PPP2R2B: variants seen among roughly 807,000 people sequenced by gnomAD.
The protein encoded by PPP2R2B is serine/threonine-protein phosphatase 2A 55 kDa regulatory subunit B beta isoform.
PPP2R2B carries 5 observed loss-of-function variants against 46.0 expected under a neutral mutation model. The observed-to-expected ratio is 0.11, with a 90% CI of 0.06 to 0.23. The LOEUF is 0.23. Ranked by LOEUF, PPP2R2B falls within the 10% of genes least tolerant of loss-of-function variation. The probability of loss-of-function intolerance (pLI) is 1.00; values close to 1 mark genes in which losing one functional copy is unlikely to be tolerated. For missense variants in PPP2R2B, 367 were observed against 575.0 expected (o/e 0.64, Z 3.70); for synonymous variants, 215 against 206.7 (o/e 1.04, Z -0.34).
intron 2 of PPP2R2B, among the ~76,000 whole-genome samples, chr5:146,869,946 T>A (rs1761517275): frequency 1.3e-5 from 2 of 152,186 alleles, no homozygotes; most frequent in South Asian, 4.1e-4. Flanking sequence ...GGGTCCTTCC[T>A]GGTGGTATTT....
intron 2 of PPP2R2B, among the ~76,000 whole-genome samples, chr5:146,845,410 T>G (rs1298664497): frequency 6.6e-6 from 1 of 151,088 alleles, no homozygotes; most frequent in Non-Finnish European, 1.5e-5. Context: ...GGTTCATGCC[T>G]GGCTAAATTT....
At chr5:146,895,761 T>C (rs1453511884) in intron 1 of PPP2R2B, among the ~76,000 whole-genome samples, 3 of 152,156 alleles carry the variant, frequency 2.0e-5, no homozygotes, top group East Asian at 1.9e-4. Flanking sequence ...TTGAAATAAA[T>C]GTCAAAAGAA....
chr5:146,770,746 G>A (rs141599094), intron 2 of PPP2R2B, among the ~76,000 whole-genome samples: 45 of 152,276 alleles, frequency 3.0e-4, no homozygotes, highest in African/African-American at 1.0e-3. Flanking sequence ...ACTTGAGAAT[G>A]CATGGGAGCT....
intron 1 of PPP2R2B, among the ~76,000 whole-genome samples, chr5:147,024,539 G>A (rs1433652863): frequency 6.6e-6 from 1 of 151,964 alleles, no homozygotes; most frequent in East Asian, 1.9e-4. Flanking sequence ...AAGTATATGT[G>A]GAATATTCAC....
intron 1 of PPP2R2B, among the ~76,000 whole-genome samples, chr5:146,910,890 C>T (rs1178803677): frequency 6.6e-6 from 1 of 152,138 alleles, no homozygotes; most frequent in Non-Finnish European, 1.5e-5. Context: ...CCCTGAATAT[C>T]CCACTGGTCT....
chr5:147,030,622 G>C (rs1193962618), intron 1 of PPP2R2B, among the ~76,000 whole-genome samples: 1 of 152,046 alleles, frequency 6.6e-6, no homozygotes, highest in East Asian at 1.9e-4. Flanking sequence ...GCTTGTAACT[G>C]ATGAATTATT....
chr5:147,029,785 C>CT (rs1456189714), intron 1 of PPP2R2B, among the ~76,000 whole-genome samples: 1 of 152,140 alleles, frequency 6.6e-6, no homozygotes, highest in Non-Finnish European at 1.5e-5. Flanking sequence ...AAGAAGGAAG[C>CT]TGTCTGCAAG....
intron 2 of PPP2R2B, among the ~76,000 whole-genome samples, chr5:146,821,584 G>A (rs192082995): frequency 2.6e-5 from 4 of 152,092 alleles, no homozygotes; most frequent in African/African-American, 7.2e-5. Flanking sequence ...ACAGAGTTGG[G>A]GTGAAACCTC....
intron 1 of PPP2R2B, among the ~76,000 whole-genome samples, chr5:146,976,108 TTTATTATTA>T (rs143212984): frequency 0.037 from 4,846 of 130,578 alleles, 237 homozygotes; most frequent in African/African-American, 0.12. Context: ...TTTTAAAAAA[TTTATTATTA>T]TTATTATTAT....
chr5:146,989,068 T>C (rs1231374888), intron 1 of PPP2R2B, among the ~76,000 whole-genome samples: 1 of 151,908 alleles, frequency 6.6e-6, no homozygotes, highest in Non-Finnish European at 1.5e-5. Flanking sequence ...ATAGAAAAAC[T>C]GAACAGACCA....
chr5:146,869,086 C>T lies in PPP2R2B; in HGVS notation c.70+8916G>A, dbSNP rs60345774. ...GCAATCATTATTAATTATTAACATTCAAATCCACAATGGTTTTGGAAGACA... is the reference window on the plus strand; with the variant it reads ...GCAATCATTATTAATTATTAACATTTAAATCCACAATGGTTTTGGAAGACA... On this transcript the variant is annotated intron_variant, in intron 2 of 9. Transcript: ENST00000394411. Among the ~76,000 whole-genome samples, 173 of 152,298 alleles carry T rather than the reference C, an allele frequency of 1.1e-3. 1 individual carries two copies. In the East Asian group the frequency reaches 0.02, roughly 17 times the overall value.
upstream of PPP2R2B, among the ~76,000 whole-genome samples, chr5:147,057,419 C>T (rs1165336225): frequency 6.6e-6 from 1 of 152,156 alleles, no homozygotes; most frequent in Non-Finnish European, 1.5e-5. Flanking sequence ...CTAAGAGATA[C>T]TTCATATCTA....
At chr5:146,849,810 C>T (rs1760230842) in intron 2 of PPP2R2B, among the ~76,000 whole-genome samples, 1 of 152,134 alleles carries the variant, frequency 6.6e-6, no homozygotes, top group African/African-American at 2.4e-5. Context: ...AGATAATAGG[C>T]ATAATCATTG....
chr5:146,940,340 T>G (rs1378794299), intron 1 of PPP2R2B, among the ~76,000 whole-genome samples: 1 of 152,094 alleles, frequency 6.6e-6, no homozygotes, highest in East Asian at 1.9e-4. Flanking sequence ...CTATTCCAAA[T>G]CCAACAGAGA....
At chr5:147,014,893 A>T (rs1715351697) in intron 1 of PPP2R2B, among the ~76,000 whole-genome samples, 1 of 152,106 alleles carries the variant, frequency 6.6e-6, no homozygotes, top group Non-Finnish European at 1.5e-5. Context: ...AATAAAAAAT[A>T]AAAATTAAAA....
chr5:146,998,548 C>G (rs990695422), intron 1 of PPP2R2B, among the ~76,000 whole-genome samples: 1 of 152,132 alleles, frequency 6.6e-6, no homozygotes, highest in Admixed American at 6.5e-5. Flanking sequence ...ACATTTGCAG[C>G]CTTCTAGAAA....
At chr5:146,917,338 T>G (rs1763427630) in intron 1 of PPP2R2B, among the ~76,000 whole-genome samples, 1 of 152,222 alleles carries the variant, frequency 6.6e-6, no homozygotes, top group South Asian at 2.1e-4. Context: ...CCGATGCCAC[T>G]TTTTGATCCT....
At chr5:146,934,946 T>C in intron 1 of PPP2R2B, among the ~76,000 whole-genome samples, 1 of 152,142 alleles carries the variant, frequency 6.6e-6, no homozygotes, top group Non-Finnish European at 1.5e-5. Flanking sequence ...AAATTATCAC[T>C]TTTCTACTGC....
At chr5:146,899,705 C>T (rs1454818873) in intron 1 of PPP2R2B, among the ~76,000 whole-genome samples, 1 of 151,946 alleles carries the variant, frequency 6.6e-6, no homozygotes, top group Non-Finnish European at 1.5e-5. Context: ...TCTATGAAGA[C>T]TAATATCCAA....
Sources: allele counts gnomAD v4.1 joint callset (sites outside exome capture counted in the v4.1 genomes callset), GRCh38; gene constraint gnomAD v4.1.1; transcripts MANE v1.5; gene names NCBI Gene and HGNC (gene_info 2026-07-23, HGNC 2026-07-21).